ARID1B: variants seen among roughly 807,000 people sequenced by gnomAD.
The protein encoded by ARID1B is AT-rich interaction domain 1B.
Under a neutral mutation model 212.3 loss-of-function variants are expected in ARID1B, and 30 were observed. That is an observed-to-expected ratio of 0.14 (90% CI 0.11 to 0.19). The LOEUF (loss-of-function observed/expected upper bound fraction) is 0.19. Among genes scored for constraint, ARID1B ranks in the 10% least tolerant of loss-of-function variants. The pLI, the probability that ARID1B is intolerant of heterozygous loss-of-function variation, is 1.00. For missense variants in ARID1B, 2,891 were observed against 3,204.0 expected, an observed-to-expected ratio of 0.90 and a Z score of 2.36; for synonymous variants, 1,402 against 1,301.7, an observed-to-expected ratio of 1.08 and a Z score of -1.66.
chr6:157,000,842 C>A (rs928873995), intron 4 of ARID1B, among the ~76,000 whole-genome samples: 1 of 151,772 alleles, frequency 6.6e-6, no homozygotes, highest in East Asian at 1.9e-4. Flanking sequence ...TACAGGTGTG[C>A]GCCACCACGG....
chr6:156,858,133 A>G (rs553623395), intron 2 of ARID1B, among the ~76,000 whole-genome samples: 8 of 152,262 alleles, frequency 5.3e-5, no homozygotes, highest in African/African-American at 1.9e-4. Context: ...ACAGAGAGAC[A>G]AATAATGCAT....
chr6:157,123,631 A>G (rs1211971254), intron 6 of ARID1B, among the ~76,000 whole-genome samples: 3 of 152,180 alleles, frequency 2.0e-5, no homozygotes, highest in Non-Finnish European at 2.9e-5. Context: ...GACTTGCAGC[A>G]TTTTCTGGCT....
intron 11 of ARID1B, 78 bp downstream of exon 11, chr6:157,175,083 T>G: frequency 8.8e-7 from 1 of 1,139,680 alleles, no homozygotes; most frequent in Non-Finnish European, 1.1e-6. Context: ...TAATTCTACT[T>G]GAATGCTTGC....
rs1778752556 is a variant in ARID1B at position 156,777,962 on chromosome 6, C to T, written c.282C>T (p.Ala94=). 6.5e-7 allele frequency: 1 copy of T among 1,530,054 alleles called. No homozygotes were observed. The highest frequency in any genetic ancestry group is 2.5e-5 in the East Asian group (1 of 40,666). The allele number at this position is 1,530,054 out of a possible 1,614,324, so 94.8% of individuals were successfully genotyped here. A position where few individuals can be genotyped will look rare whatever the true frequency, so the allele number is the denominator to read the frequency against. Residue 94 remains alanine (A), a synonymous_variant, in exon 1 of 20, where the codon GCC becomes GCT. Transcript: ENST00000636930. ...MAHNAGAAAA[A]GTHSAKSGGS... ...ATAACGCGGGCGCCGCGGCCGCCGCCGGCACCCACAGCGCCAAGAGCGGCG... is the reference window on the plus strand; with the variant it reads ...ATAACGCGGGCGCCGCGGCCGCCGCTGGCACCCACAGCGCCAAGAGCGGCG...
rs79498233 is a variant in ARID1B, at chr6:156,901,683, T to C, written c.2136+158T>C. ...CTGTAACCTAATCTAACTCCATCTC[T>C]CCCTCCGTCTTTTCCCCTTTTGAGA... On this transcript the variant is annotated intron_variant, in intron 3 of 19. Coordinates refer to ENST00000636930, the MANE Select transcript of ARID1B (RefSeq NM_001374828.1). 0.041 allele frequency: 38,331 copies of C among 927,964 alleles called. 892 individuals carry two copies. The highest frequency in any genetic ancestry group is 0.045 in the Non-Finnish European group (29,073 of 640,300). 57.5% of individuals were successfully genotyped at this position (927,964 alleles called of 1,614,324 possible). A position where few individuals can be genotyped will look rare whatever the true frequency, so the allele number is the denominator to read the frequency against.
chr6:156,803,243 T>C (rs553107220), intron 1 of ARID1B, among the ~76,000 whole-genome samples: 1 of 152,338 alleles, frequency 6.6e-6, no homozygotes, highest in African/African-American at 2.4e-5. Context: ...TCAATGAAGA[T>C]TTAAGAGCCA....
chr6:157,167,740 A>G (rs1791435290), intron 9 of ARID1B: 1 of 152,776 alleles, frequency 6.5e-6, no homozygotes, highest in Admixed American at 6.5e-5. Flanking sequence ...TAATCTCCAC[A>G]GTAGCGTTCT....
chr6:157,146,389 A>G (rs1239028170), intron 7 of ARID1B, among the ~76,000 whole-genome samples: 8 of 152,306 alleles, frequency 5.3e-5, no homozygotes. Context: ...GGCAGTGCAG[A>G]GGCTCACCCA....
intron 19 of ARID1B, chr6:157,205,920 A>T: frequency 2.0e-6 from 1 of 490,702 alleles, no homozygotes; most frequent in South Asian, 2.6e-5. Context: ...TCGTGTAGAT[A>T]GTCTAAGCAA....
At chr6:156,814,752 T>C (rs1469633218) in intron 1 of ARID1B, among the ~76,000 whole-genome samples, 2 of 152,194 alleles carry the variant, frequency 1.3e-5, no homozygotes, top group African/African-American at 2.4e-5. Context: ...AGTTTGATGT[T>C]TATGTGGGTG....
At chr6:156,802,342 T>C (rs1408505328) in intron 1 of ARID1B, among the ~76,000 whole-genome samples, 1 of 152,210 alleles carries the variant, frequency 6.6e-6, no homozygotes, top group African/African-American at 2.4e-5. Context: ...GTAAAGGATG[T>C]TAGTTATTTA....
chr6:156,825,712 G>A (rs1188947449), intron 1 of ARID1B, among the ~76,000 whole-genome samples: 1 of 152,218 alleles, frequency 6.6e-6, no homozygotes, highest in East Asian at 1.9e-4. Flanking sequence ...GATTGAATGT[G>A]AAGATAGGAC....
At chr6:156,811,833 A>G (rs1276490450) in intron 1 of ARID1B, among the ~76,000 whole-genome samples, 1 of 152,190 alleles carries the variant, frequency 6.6e-6, no homozygotes, top group East Asian at 1.9e-4. Context: ...GCAGGCTAAG[A>G]AAGTCTTCTA....
chr6:156,978,393 T>C (rs1020676189), intron 4 of ARID1B, among the ~76,000 whole-genome samples: 13 of 152,242 alleles, frequency 8.5e-5, no homozygotes, highest in Admixed American at 2.6e-4. Flanking sequence ...TTTATTTCTA[T>C]TTTTTAAGGG....
chr6:156,964,016 G>C (rs1197613783), intron 4 of ARID1B, among the ~76,000 whole-genome samples: 1 of 152,244 alleles, frequency 6.6e-6, no homozygotes, highest in Non-Finnish European at 1.5e-5. Context: ...TCCACTGCTC[G>C]TTTGTTTCAG....
intron 2 of ARID1B, among the ~76,000 whole-genome samples, chr6:156,860,354 A>C (rs1430704293): frequency 7.0e-6 from 1 of 143,678 alleles, no homozygotes; most frequent in Non-Finnish European, 1.5e-5. Flanking sequence ...TTTTTTTCTT[A>C]AAAATTGATC....
intron 3 of ARID1B, among the ~76,000 whole-genome samples, chr6:156,915,603 G>C (rs367897151): frequency 4.0e-4 from 60 of 151,128 alleles, no homozygotes; most frequent in African/African-American, 1.4e-3. Context: ...ACATTTTAAA[G>C]ATTTGGTTTT....
At chr6:157,029,676 AG>A (rs754219610) in intron 4 of ARID1B, among the ~76,000 whole-genome samples, 15 of 152,238 alleles carry the variant, frequency 9.9e-5, no homozygotes, top group East Asian at 7.7e-4. Context: ...AGGAGGGAGC[AG>A]CCAGTGCAAA....
chr6:156,950,041 G>A (rs369305087), intron 4 of ARID1B, among the ~76,000 whole-genome samples: 5 of 152,100 alleles, frequency 3.3e-5, no homozygotes, highest in African/African-American at 4.8e-5. Context: ...TTGATAATTC[G>A]GAAATGTGAT....
Sources: gnomAD v4.1 joint callset for allele counts (sites outside exome capture counted in the v4.1 genomes callset) on GRCh38, gnomAD v4.1.1 for gene constraint, MANE v1.5 for transcripts, NCBI Gene and HGNC (gene_info 2026-07-23, HGNC 2026-07-21) for gene names.